The following HYDIN variants were observed in gnomAD, a reference collection of about 807,000 sequenced individuals.
HYDIN encodes the protein axonemal central pair apparatus protein HYDIN.
A neutral mutation model predicts 403.9 loss-of-function variants in HYDIN; 132 were observed. That is an observed-to-expected ratio of 0.33 (90% CI 0.28 to 0.38). HYDIN has a LOEUF of 0.38. HYDIN is among the 10% of genes least tolerant of loss of function. The pLI is 1.00. For missense variants in HYDIN, 2,827 were observed against 5,009.5 expected (o/e 0.56, Z 13.15); for synonymous variants, 1,202 against 1,891.7 (o/e 0.64, Z 9.46).
intron 22 of HYDIN, among the ~76,000 whole-genome samples, chr16:71,019,641 C>T (rs944035583): frequency 5.9e-5 from 9 of 152,090 alleles, no homozygotes; most frequent in Non-Finnish European, 1.3e-4. Context: ...AGGAAAATGA[C>T]ATTATTGTTT....
At chr16:71,065,963 T>C (rs1422956830) in intron 15 of HYDIN, among the ~76,000 whole-genome samples, 2 of 152,318 alleles carry the variant, frequency 1.3e-5, no homozygotes, top group African/African-American at 4.8e-5. Context: ...TGCATGAGTG[T>C]TCATTTCTAG....
chr16:71,108,681 C>T (rs2083706041), intron 10 of HYDIN, among the ~76,000 whole-genome samples: 1 of 151,504 alleles, frequency 6.6e-6, no homozygotes, highest in African/African-American at 2.4e-5. Context: ...CACTATGTAC[C>T]CCATGAATAT....
intron 9 of HYDIN, among the ~76,000 whole-genome samples, chr16:71,121,356 C>T (rs1268532250): frequency 9.9e-6 from 1 of 100,774 alleles, no homozygotes; most frequent in East Asian, 2.7e-4. Flanking sequence ...TGTATCCTTC[C>T]AGTTACTTCT....
chr16:71,104,258 T>C (rs1275801204), intron 10 of HYDIN, among the ~76,000 whole-genome samples: 1 of 151,940 alleles, frequency 6.6e-6, no homozygotes, highest in Non-Finnish European at 1.5e-5. Flanking sequence ...AGGACATTAC[T>C]TTGAGAAAGA....
chr16:70,983,787 G>A (rs924256841), intron 28 of HYDIN, among the ~76,000 whole-genome samples: 48 of 149,078 alleles, frequency 3.2e-4, no homozygotes, highest in Non-Finnish European at 6.4e-4. Context: ...ATAATCATTT[G>A]GAAATTAAAA....
chr16:71,021,408 G>T (rs900884696), intron 21 of HYDIN, among the ~76,000 whole-genome samples: 1 of 151,706 alleles, frequency 6.6e-6, no homozygotes, highest in African/African-American at 2.4e-5. Context: ...GTAGAGATGG[G>T]GTTTCACTAT....
chr16:70,808,820 A>G (rs1241701560), intron 85 of HYDIN, among the ~76,000 whole-genome samples: 1 of 152,078 alleles, frequency 6.6e-6, no homozygotes, highest in African/African-American at 2.4e-5. Context: ...TGTTCCATGG[A>G]ATATTAGTAG....
At chr16:71,179,191 T>C (rs1445961476) in intron 3 of HYDIN, 144 bp from the exon 4 acceptor site, 4 of 545,198 alleles carry the variant, frequency 7.3e-6, no homozygotes, top group African/African-American at 3.8e-5. Flanking sequence ...AAGTACATCA[T>C]TGTAAAAGCA....
chr16:70,825,030 G>C (rs1290334428), intron 83 of HYDIN, among the ~76,000 whole-genome samples: 1 of 151,812 alleles, frequency 6.6e-6, no homozygotes, highest in Non-Finnish European at 1.5e-5. Flanking sequence ...AAAGTGTTGG[G>C]ATTACAGAGG....
Position 71,175,680 on chromosome 16 carries a change from T to A in HYDIN, c.443A>T (p.Lys148Ile), listed in dbSNP as rs2086643517. ...SSPYFKVISP[K>I]DIGHKVAPGV... ...AGGAGCCACTTTGTGGCCAATATCT[T>A]TGGGGCTGATTACTTTAAAGTAAGG... The change falls in exon 5 of 86, where the codon AAA becomes ATA. Residue 148 changes from lysine (K) to isoleucine (I), a missense_variant. By Grantham distance (102) the Lys-to-Ile change is moderately radical. Coordinates refer to ENST00000393567, the MANE Select transcript of HYDIN (RefSeq NM_001270974.2). 1 of 1,613,996 alleles carries A rather than the reference T, an allele frequency of 6.2e-7. No homozygotes were observed.
intron 85 of HYDIN, among the ~76,000 whole-genome samples, chr16:70,808,979 G>A (rs564992380): frequency 2.0e-5 from 3 of 152,348 alleles, no homozygotes; most frequent in East Asian, 1.9e-4. Context: ...TGGTGTCAGC[G>A]AGCTGCCATT....
intron 53 of HYDIN, among the ~76,000 whole-genome samples, chr16:70,897,680 T>C (rs1350649458): frequency 2.0e-5 from 3 of 150,556 alleles, no homozygotes; most frequent in East Asian, 1.9e-4. Flanking sequence ...TGAAGAGTTA[T>C]ACAGATGAAA....
rs778308417 is a variant in HYDIN, at chr16:71,179,003, T to C, written c.306A>G (p.Pro102=). 5.6e-6 allele frequency: 9 copies of C among 1,610,328 alleles called. No homozygotes were observed. The highest frequency in any genetic ancestry group is 1.1e-5 in the South Asian group (1 of 90,894). The part of the protein sequence containing the change: ...DLDQALFQPF[P]SEIIFQNYTP... ...TGTAGTTCTGAAATATAATTTCTGA[T>C]GGAAAGGGCTGGAATAATGCCTGAT... is the stretch of plus-strand genomic sequence containing the variant. Residue 102 remains proline, a synonymous_variant, in exon 4 of 86, where the codon CCA becomes CCG. Transcript: ENST00000393567.
chr16:70,842,343 T>C (rs1263201228), intron 75 of HYDIN, among the ~76,000 whole-genome samples: 1 of 152,132 alleles, frequency 6.6e-6, no homozygotes, highest in Non-Finnish European at 1.5e-5. Context: ...TCTGTCAGTT[T>C]TGTTTCATGT....
In HYDIN at chr16:70,943,851, C is replaced by A; in HGVS notation, c.6630G>T (p.Pro2210=). 6.2e-7 allele frequency: 1 copy of A among 1,613,548 alleles called. No individual in the cohort carries two copies. The highest frequency in any genetic ancestry group is 1.1e-5 in the South Asian group (1 of 91,070). ...GETGLMSCVL[P]DELLVQILAE... is the part of the protein sequence containing the mutation. ...CCAGGATCTGCACGAGAAGTTCATC[C>A]GGGAGCACACAGCTCATCAGCCCGG... Residue 2210 remains proline (P), a synonymous_variant, in exon 42 of 86, where the codon CCG becomes CCT. Transcript: ENST00000393567.
intron 40 of HYDIN, among the ~76,000 whole-genome samples, chr16:70,953,326 C>T (rs2078129803): frequency 6.6e-6 from 1 of 152,158 alleles, no homozygotes; most frequent in East Asian, 1.9e-4. Flanking sequence ...AAGCCCCTGC[C>T]TCCAGAGCTT....
intron 78 of HYDIN, among the ~76,000 whole-genome samples, chr16:70,834,580 G>A (rs984166439): frequency 1.3e-5 from 2 of 152,094 alleles, no homozygotes; most frequent in Admixed American, 6.5e-5. Context: ...GGGTGCCGTG[G>A]CTCACGCCTG....
chr16:70,906,202 T>C (rs2076532575), intron 50 of HYDIN, among the ~76,000 whole-genome samples: 1 of 152,218 alleles, frequency 6.6e-6, no homozygotes, highest in Non-Finnish European at 1.5e-5. Flanking sequence ...CACCTGTGGG[T>C]CCCCAATTCT....
rs142925033 is a variant in HYDIN, at chr16:70,838,611, T to C, written c.13044-723A>G. Reference sequence around the variant, plus strand: ...GCACAGTAGGGAGGAGTATATGTTCTAGAGTCAGGCAGAGAGGAGTCTGGA... The same window carrying C: ...GCACAGTAGGGAGGAGTATATGTTCCAGAGTCAGGCAGAGAGGAGTCTGGA... On this transcript the variant is annotated intron_variant, in intron 76 of 85. Transcript: ENST00000393567. Among the ~76,000 whole-genome samples, 105 of 152,220 alleles carry C rather than the reference T, an allele frequency of 6.9e-4. 2 individuals are homozygous for C. In the East Asian group the frequency reaches 0.015, roughly 22 times the overall value.
Sources: allele counts gnomAD v4.1 joint callset (sites outside exome capture counted in the v4.1 genomes callset), GRCh38; gene constraint gnomAD v4.1.1; transcripts MANE v1.5; gene names NCBI Gene and HGNC (gene_info 2026-07-23, HGNC 2026-07-21).